Variants in CDK12 observed in about 807,000 individuals in gnomAD.
CDK12 encodes the protein cyclin dependent kinase 12, also known as cyclin-dependent kinase 12.
Under a neutral mutation model 133.8 loss-of-function variants are expected in CDK12, and 17 were observed. The observed-to-expected ratio is 0.13, with a 90% CI of 0.09 to 0.19. The LOEUF is 0.19. Ranked by LOEUF, CDK12 falls within the 10% of genes least tolerant of loss-of-function variation. The probability of loss-of-function intolerance (pLI) is 1.00; values close to 1 mark genes in which losing one functional copy is unlikely to be tolerated. For missense variants in CDK12, 1,508 were observed against 1,818.7 expected (o/e 0.83, Z 3.11); for synonymous variants, 694 against 683.6 (o/e 1.02, Z -0.24).
intron 13 of CDK12, among the ~76,000 whole-genome samples, chr17:39,528,476 G>A (rs563135543): frequency 6.6e-6 from 1 of 151,922 alleles, no homozygotes; most frequent in African/African-American, 2.4e-5. Flanking sequence ...GGGATTACAG[G>A]TGTGTGACAC....
intron 3 of CDK12, among the ~76,000 whole-genome samples, chr17:39,562,729 G>C (rs1205173831): frequency 6.6e-6 from 1 of 152,092 alleles, no homozygotes; most frequent in East Asian, 1.9e-4. Flanking sequence ...AAAAATTGTA[G>C]AGTGAGGTAC....
chr17:39,463,224 G>T (rs2049071566), intron 1 of CDK12, 107 bp downstream of exon 1: 1 of 965,106 alleles, frequency 1.0e-6, no homozygotes, highest in Non-Finnish European at 1.6e-6. Flanking sequence ...TCATTGACTA[G>T]AACACTTTGC....
At position 39,471,079 on chromosome 17, in the gene CDK12, A is replaced by T. The variant is rs757578551; in HGVS notation, c.1247A>T (p.Asp416Val). 1.9e-6 allele frequency: 3 copies of T among 1,613,690 alleles called. No homozygotes were observed. The highest frequency in any genetic ancestry group is 2.5e-6 in the Non-Finnish European group (3 of 1,179,896). Residue 416 changes from aspartate to valine, a missense_variant, in exon 2 of 14, where the codon GAT becomes GTT. This residue lies in a region of CDK12 where 347 missense variants were observed against 330.8 expected (regional missense o/e 1.05). Transcript: ENST00000447079. ...GCTGCTGCTGCTGCAGCAAAGATGGATGGAAAGGAGTCCAAGGGTTCACCT... is the reference window on the plus strand; with the variant it reads ...GCTGCTGCTGCTGCAGCAAAGATGGTTGGAAAGGAGTCCAAGGGTTCACCT... ...RAAAAAAAKM[D>V]GKESKGSPVF...
intron 1 of CDK12, chr17:39,550,450 GT>G: frequency 6.6e-6 from 1 of 152,334 alleles, no homozygotes; most frequent in Admixed American, 6.5e-5. Flanking sequence ...AGGTGAGGCT[GT>G]TTTCTTGCTC....
intron 11 of CDK12, among the ~76,000 whole-genome samples, chr17:39,522,953 T>C (rs2054272624): frequency 6.6e-6 from 1 of 151,928 alleles, no homozygotes; most frequent in South Asian, 2.1e-4. Flanking sequence ...CTCAGGAGGC[T>C]GAGGGAGGAG....
intron 5 of CDK12, among the ~76,000 whole-genome samples, chr17:39,497,906 A>G (rs900707248): frequency 6.6e-5 from 10 of 152,096 alleles, no homozygotes; most frequent in African/African-American, 2.4e-4. Flanking sequence ...CACCCAGCGA[A>G]TGTCATTTTG....
rs1315960637 is a variant in CDK12 at position 39,490,420 on chromosome 17, T to A, written c.1932-137T>A. 5.4e-6 allele frequency: 3 copies of A among 552,304 alleles called. No homozygotes were observed. The African/African-American group carries it at 5.6e-5, about 10-fold the overall frequency. 34.2% of individuals were successfully genotyped at this position (552,304 alleles called of 1,614,324 possible). ...TTAGTTGTGATTAATTATTTTTTTT[T>A]ATGTTATAGTACAGGTTTTTTTCCT... is the stretch of plus-strand genomic sequence containing the variant. On this transcript the variant is annotated intron_variant, in intron 2 of 13. Transcript: ENST00000447079.
intron 1 of CDK12, among the ~76,000 whole-genome samples, chr17:39,469,926 C>T (rs1452740272): frequency 2.0e-5 from 3 of 151,984 alleles, no homozygotes; most frequent in African/African-American, 4.8e-5. Context: ...CGTGAGCCAC[C>T]GCACCTGGCC....
rs1210741425 is a variant in CDK12, at chr17:39,564,306, C to T, written n.485-454C>T. Among the ~76,000 whole-genome samples, 14 of 152,152 alleles carry T rather than the reference C, an allele frequency of 9.2e-5. No individual in the cohort carries two copies. The East Asian group carries it at 2.7e-3, about 29-fold the overall frequency. ...GAAGGGAGTCTATGATAGTGTGTGT[C>T]CCAAGAGGGGGTTACAGAGAAGCCA... On this transcript the variant is annotated intron_variant and non_coding_transcript_variant, in intron 3 of 3. Transcript: ENST00000558240.
chr17:39,498,093 C>T (rs2052279435), intron 5 of CDK12, among the ~76,000 whole-genome samples: 1 of 151,786 alleles, frequency 6.6e-6, no homozygotes, highest in Admixed American at 6.6e-5. Flanking sequence ...AACTGAACTC[C>T]TGGGTTCAAG....
chr17:39,479,957 C>G (rs1476090672), intron 2 of CDK12, among the ~76,000 whole-genome samples: 1 of 140,234 alleles, frequency 7.1e-6, no homozygotes, highest in African/African-American at 2.7e-5. Context: ...GAGTTTTGCT[C>G]TTGTTGCCCA....
chr17:39,479,562 T>C (rs936554806), intron 2 of CDK12, among the ~76,000 whole-genome samples: 3 of 152,100 alleles, frequency 2.0e-5, no homozygotes, highest in Non-Finnish European at 4.4e-5. Flanking sequence ...AAGAAGTCAG[T>C]GTGCACATAA....
intron 10 of CDK12, among the ~76,000 whole-genome samples, chr17:39,519,174 A>T (rs1408763782): frequency 6.6e-6 from 1 of 151,462 alleles, no homozygotes; most frequent in African/African-American, 2.4e-5. Flanking sequence ...AAGTGCTGGG[A>T]TTACAGGCAT....
chr17:39,470,035 G>GA (rs1019403858), intron 1 of CDK12, among the ~76,000 whole-genome samples: 17 of 151,856 alleles, frequency 1.1e-4, no homozygotes, highest in African/African-American at 3.9e-4. Context: ...TCCAATGTGG[G>GA]AAAAAAATAG....
intron 7 of CDK12, 150 bp downstream of exon 7, chr17:39,509,911 C>T: frequency 1.5e-6 from 1 of 650,420 alleles, no homozygotes; most frequent in Non-Finnish European, 2.7e-6. Context: ...AGGTGATTCT[C>T]CCACCTTAGT....
At chr17:39,554,481 G>A (rs1219462883) in intron 2 of CDK12, among the ~76,000 whole-genome samples, 8 of 152,126 alleles carry the variant, frequency 5.3e-5, no homozygotes, top group South Asian at 2.1e-4. Flanking sequence ...ATAGGGTAAC[G>A]GGGTTTGAGG....
chr17:39,464,881 A>T (rs990460902), intron 1 of CDK12, among the ~76,000 whole-genome samples: 6 of 151,322 alleles, frequency 4.0e-5, no homozygotes, highest in African/African-American at 1.5e-4. Context: ...GAGCCTAGGA[A>T]GTCAAGGCTG....
At chr17:39,489,994 AAG>A (rs2051456877) in intron 2 of CDK12, among the ~76,000 whole-genome samples, 1 of 151,766 alleles carries the variant, frequency 6.6e-6, no homozygotes, top group African/African-American at 2.4e-5. Context: ...ACGATATATT[AAG>A]AGTTTGATAA....
chr17:39,541,491 A>T (rs956719512), intron 1 of CDK12, among the ~76,000 whole-genome samples: 1 of 151,714 alleles, frequency 6.6e-6, no homozygotes, highest in Admixed American at 6.6e-5. Context: ...CAGCCTCCCA[A>T]GTAGCTGGGA....
Sources: allele counts gnomAD v4.1 joint callset (sites outside exome capture counted in the v4.1 genomes callset), GRCh38; gene constraint gnomAD v4.1.1; regional missense constraint gnomAD v4.1.1; transcripts MANE v1.5; gene names NCBI Gene and HGNC (gene_info 2026-07-23, HGNC 2026-07-21).